Variants in SUPT20H observed in about 807,000 individuals in gnomAD.
SUPT20H encodes SPT20 homolog, SAGA complex component.
SUPT20H carries 82 observed loss-of-function variants against 122.8 expected under a neutral mutation model. The ratio of observed to expected loss-of-function variants is 0.67; its 90% CI spans 0.56 to 0.80. SUPT20H has a LOEUF of 0.80. Ranked by LOEUF, SUPT20H falls within the 30% of genes least tolerant of loss-of-function variation. The probability of loss-of-function intolerance (pLI) is 0.00; values close to 1 mark genes in which losing one functional copy is unlikely to be tolerated. For synonymous variants in SUPT20H, 291 were observed against 313.0 expected, an observed-to-expected ratio of 0.93 and a Z score of 0.74; for missense variants, 831 against 921.6, an observed-to-expected ratio of 0.90 and a Z score of 1.27.
At chr13:37,021,186 A>G (rs1483471376) in intron 21 of SUPT20H, among the ~76,000 whole-genome samples, 1 of 152,186 alleles carries the variant, frequency 6.6e-6, no homozygotes, top group African/African-American at 2.4e-5. Flanking sequence ...TAAGGCTACC[A>G]AAATTAATTT....
At chr13:37,026,922 T>C (rs920928713) in intron 14 of SUPT20H, 106 bp from the exon 15 acceptor site, 2 of 685,956 alleles carry the variant, frequency 2.9e-6, no homozygotes, top group Non-Finnish European at 4.4e-6. Context: ...GACTGGAAGA[T>C]AATAAATCAT....
intron 9 of SUPT20H, among the ~76,000 whole-genome samples, chr13:37,036,327 G>GTTTT (rs35437054): frequency 1.6e-5 from 2 of 126,276 alleles, no homozygotes. Flanking sequence ...TTAAACTGGA[G>GTTTT]TTTTTTTTTT....
At chr13:37,036,758 A>C (rs946650981) in intron 9 of SUPT20H, among the ~76,000 whole-genome samples, 1 of 152,124 alleles carries the variant, frequency 6.6e-6, no homozygotes, top group Non-Finnish European at 1.5e-5. Context: ...CTCAATGTGA[A>C]GATGATGAGG....
At chr13:37,026,656 TCC>T in intron 15 of SUPT20H, 132 bp downstream of exon 15, 1 of 586,444 alleles carries the variant, frequency 1.7e-6, no homozygotes, top group Non-Finnish European at 2.8e-6. Context: ...ACATAACAGA[TCC>T]TTAGAATATA....
Position 37,045,297 on chromosome 13 carries a change from T to C in SUPT20H, c.242A>G (p.Tyr81Cys), listed in dbSNP as rs1316115049. 6.2e-7 allele frequency: 1 copy of C among 1,613,834 alleles called. No individual in the cohort carries two copies. Among genetic ancestry groups the C allele is most frequent in the Non-Finnish European group, 8.5e-7 (1 of 1,179,816 alleles). The change falls in exon 6 of 26, where the codon TAC (tyrosine) becomes TGC (cysteine). Residue 81 changes from tyrosine to cysteine, a missense_variant. Transcript: ENST00000350612. ...CAGAGAATATCCCTCATTTCCTGGG[T>C]ATAGATTGACCACTAAACATGACAA... ...ETLSCLVVNL[Y>C]PGNEGYSLML...
At chr13:37,016,935 G>A (rs189295115) in intron 23 of SUPT20H, among the ~76,000 whole-genome samples, 177 of 152,264 alleles carry the variant, frequency 1.2e-3, no homozygotes, top group Middle Eastern at 6.8e-3. Flanking sequence ...TGATGGGGTA[G>A]AAAATACATG....
intron 1 of SUPT20H, among the ~76,000 whole-genome samples, chr13:37,057,761 C>T (rs541643488): frequency 1.3e-5 from 2 of 152,104 alleles, no homozygotes; most frequent in East Asian, 1.9e-4. Context: ...ATTGCTTCAG[C>T]CCTGGAGTTC....
Position 37,009,528 on chromosome 13 carries a change from T to C in SUPT20H, c.*144A>G. 9.5e-7 allele frequency: 1 copy of C among 1,054,410 alleles called. No homozygotes were observed. The highest frequency in any genetic ancestry group is 1.4e-6 in the Non-Finnish European group (1 of 706,176). The allele number at this position is 1,054,410 out of a possible 1,614,324, so 65.3% of individuals were successfully genotyped here. On this transcript the variant is annotated 3_prime_UTR_variant, in exon 26 of 26. Transcript: ENST00000350612. Reference sequence around the variant, plus strand: ...CCATTTCCCTGTTTTTATTTAAAAATGATAAGGTTGTGCTTCTGTATAAAG... The same window carrying C: ...CCATTTCCCTGTTTTTATTTAAAAACGATAAGGTTGTGCTTCTGTATAAAG...
chr13:37,014,585 G>T (rs567998582), intron 23 of SUPT20H, among the ~76,000 whole-genome samples: 1 of 152,030 alleles, frequency 6.6e-6, no homozygotes, highest in Non-Finnish European at 1.5e-5. Context: ...AAATTCCCAA[G>T]TATTTGGAAA....
intron 5 of SUPT20H, among the ~76,000 whole-genome samples, chr13:37,045,866 G>A (rs2066323213): frequency 6.6e-6 from 1 of 152,046 alleles, no homozygotes; most frequent in African/African-American, 2.4e-5. Context: ...GCTCTAAGCT[G>A]AAATGTTGAA....
intron 21 of SUPT20H, among the ~76,000 whole-genome samples, chr13:37,020,756 TTTC>T (rs1449923240): frequency 1.3e-5 from 2 of 152,210 alleles, no homozygotes. Context: ...CTATTACATT[TTTC>T]TTCAAGTGAA....
At chr13:37,026,089 T>C (rs2062209517) in intron 16 of SUPT20H, 115 bp downstream of exon 16, 1 of 787,036 alleles carries the variant, frequency 1.3e-6, no homozygotes, top group South Asian at 1.7e-5. Flanking sequence ...AGTGTAAATA[T>C]GGTTAACAGC....
intron 16 of SUPT20H, chr13:37,025,697 AG>A: frequency 3.0e-6 from 1 of 338,170 alleles, no homozygotes; most frequent in South Asian, 3.5e-5. Flanking sequence ...CAGAAATTAC[AG>A]GGATTACTTA....
chr13:37,013,057 G>A (rs959755805), intron 23 of SUPT20H: 2 of 152,082 alleles, frequency 1.3e-5, no homozygotes, highest in South Asian at 4.1e-4. Flanking sequence ...TGATCAACAA[G>A]TTTAACTCAA....
At chr13:37,017,143 G>A in intron 23 of SUPT20H, 102 bp downstream of exon 23, 1 of 1,519,026 alleles carries the variant, frequency 6.6e-7, no homozygotes, top group African/African-American at 1.4e-5. Context: ...AAACAGTACA[G>A]GAAATGTTTA....
rs377592079 is a variant in SUPT20H, at chr13:37,009,779, T to C, written c.2233A>G (p.Met745Val). 7.4e-6 allele frequency: 12 copies of C among 1,612,760 alleles called. No individual in the cohort carries two copies. Among genetic ancestry groups the C allele is most frequent in the East Asian group, 2.2e-5 (1 of 44,872 alleles). The change falls in exon 26 of 26, where the codon ATG becomes GTG. Residue 745 changes from methionine (M) to valine (V), a missense_variant. Transcript: ENST00000350612. ...GCTGTTTGTGCTGCTGCTGCTGCCATAGCCATTTGATGCTGCAAGAATCGC... is the reference window on the plus strand; with the variant it reads ...GCTGTTTGTGCTGCTGCTGCTGCCACAGCCATTTGATGCTGCAAGAATCGC... ...QLRFLQHQMA[M>V]AAAAAQTAQL...
At chr13:37,047,416 C>A in intron 5 of SUPT20H, 119 bp downstream of exon 5, 1 of 1,118,812 alleles carries the variant, frequency 8.9e-7, no homozygotes, top group Non-Finnish European at 1.2e-6. Flanking sequence ...TGACTAGGGT[C>A]AGGTTAAAAA....
intron 1 of SUPT20H, chr13:37,059,093 AGCGTTGCTATCAATTCTAC>A (rs1321766940): frequency 9.9e-5 from 15 of 152,140 alleles, no homozygotes; most frequent in Non-Finnish European, 1.6e-4. Context: ...TCCAATTCTA[AGCGTTGCTATCAATTCTAC>A]GCGTTGCTAT....
At chr13:37,010,199 TAAAC>T (rs1265120616) in intron 25 of SUPT20H, among the ~76,000 whole-genome samples, 3 of 152,314 alleles carry the variant, frequency 2.0e-5, no homozygotes, top group African/African-American at 4.8e-5. Flanking sequence ...TTTTTCTAAA[TAAAC>T]AGGTATGACA....
Sources: gnomAD v4.1 joint callset for allele counts (sites outside exome capture counted in the v4.1 genomes callset) on GRCh38, gnomAD v4.1.1 for gene constraint, MANE v1.5 for transcripts, NCBI Gene and HGNC (gene_info 2026-07-23, HGNC 2026-07-21) for gene names.